HSDL2: variants seen among roughly 807,000 people sequenced by gnomAD.
The protein encoded by HSDL2 is hydroxysteroid dehydrogenase-like protein 2.
Under a neutral mutation model 46.3 loss-of-function variants are expected in HSDL2, and 27 were observed. That is an observed-to-expected ratio of 0.58 (90% CI 0.43 to 0.80). The LOEUF (loss-of-function observed/expected upper bound fraction) is 0.80. HSDL2 is among the 30% of genes least tolerant of loss of function. The pLI is 0.00. For synonymous variants in HSDL2, 153 were observed against 163.6 expected, an observed-to-expected ratio of 0.94 and a Z score of 0.50; for missense variants, 451 against 502.7, an observed-to-expected ratio of 0.90 and a Z score of 0.98.
intron 3 of HSDL2, among the ~76,000 whole-genome samples, chr9:112,408,176 G>C (rs1009596012): frequency 1.3e-5 from 2 of 152,184 alleles, no homozygotes; most frequent in Non-Finnish European, 2.9e-5. Context: ...GGGGAAGGGA[G>C]ACTACTATGC....
intron 4 of HSDL2, among the ~76,000 whole-genome samples, chr9:112,412,485 T>C (rs1400679494): frequency 6.6e-6 from 1 of 152,236 alleles, no homozygotes; most frequent in African/African-American, 2.4e-5. Flanking sequence ...TGTTTGTTCA[T>C]TGTATCATTC....
chr9:112,402,561 A>T (rs1831628086), intron 1 of HSDL2, among the ~76,000 whole-genome samples: 1 of 151,292 alleles, frequency 6.6e-6, no homozygotes, highest in African/African-American at 2.4e-5. Flanking sequence ...AAAAAAAAAA[A>T]AAAGCACGTA....
At chr9:112,468,169 A>C (rs1833448157) in intron 10 of HSDL2, among the ~76,000 whole-genome samples, 1 of 152,018 alleles carries the variant, frequency 6.6e-6, no homozygotes, top group South Asian at 2.1e-4. Flanking sequence ...AATCTTTTCT[A>C]TCTACCCCTG....
chr9:112,403,866 A>T, intron 1 of HSDL2, 129 bp from the exon 2 acceptor site: 1 of 847,490 alleles, frequency 1.2e-6, no homozygotes, highest in Non-Finnish European at 1.9e-6. Context: ...TCAGATGGGC[A>T]TGGGGAGGGT....
chr9:112,459,196 A>G (rs769376209), intron 9 of HSDL2, among the ~76,000 whole-genome samples: 2 of 152,116 alleles, frequency 1.3e-5, no homozygotes, highest in African/African-American at 4.8e-5. Context: ...TGATTCCTTA[A>G]TGTGCTCCCA....
intron 9 of HSDL2, among the ~76,000 whole-genome samples, chr9:112,455,771 T>G (rs1833003720): frequency 6.6e-6 from 1 of 152,178 alleles, no homozygotes; most frequent in African/African-American, 2.4e-5. Context: ...AGCAGATAAT[T>G]CCACTTGCTC....
At chr9:112,433,134 A>G in intron 6 of HSDL2, among the ~76,000 whole-genome samples, 1 of 152,152 alleles carries the variant, frequency 6.6e-6, no homozygotes, top group East Asian at 1.9e-4. Context: ...TAGATTTTCA[A>G]AAGTAGGTAA....
chr9:112,418,729 A>G (rs1564115935), intron 5 of HSDL2, 131 bp from the exon 6 acceptor site: 2 of 436,778 alleles, frequency 4.6e-6, no homozygotes, highest in South Asian at 5.0e-5. Context: ...ATACACATAC[A>G]TATGTATATA....
chr9:112,448,908 G>A (rs1832812370), intron 8 of HSDL2, among the ~76,000 whole-genome samples: 1 of 151,692 alleles, frequency 6.6e-6, no homozygotes, highest in Admixed American at 6.6e-5. Context: ...AGTCATTTGG[G>A]TCTTTTCTGA....
In HSDL2 at chr9:112,380,188, G is replaced by T; in HGVS notation, c.17+8G>T. 1 of 1,567,848 alleles carries T rather than the reference G, an allele frequency of 6.4e-7. No homozygotes were observed. On this transcript the variant is annotated splice_region_variant and intron_variant, in intron 1 of 10. Transcript: ENST00000398805. ...CATGTTACCCAACACCGGGTAAGGGGGTAGGGGCGGCGCGGGGAGAGACCC... is the reference window on the plus strand; with the variant it reads ...CATGTTACCCAACACCGGGTAAGGGTGTAGGGGCGGCGCGGGGAGAGACCC...
chr9:112,390,286 T>C (rs1311559834), intron 1 of HSDL2, among the ~76,000 whole-genome samples: 1 of 151,948 alleles, frequency 6.6e-6, no homozygotes, highest in African/African-American at 2.4e-5. Flanking sequence ...GCAGATAATA[T>C]ATATATTTAT....
intron 1 of HSDL2, among the ~76,000 whole-genome samples, chr9:112,390,062 C>T (rs1831304940): frequency 3.6e-5 from 2 of 55,678 alleles, no homozygotes; most frequent in Non-Finnish European, 6.5e-5. Flanking sequence ...GAGACTCTGT[C>T]TCAAAATAAA....
intron 8 of HSDL2, among the ~76,000 whole-genome samples, chr9:112,447,776 C>G (rs1832785374): frequency 6.7e-6 from 1 of 150,286 alleles, no homozygotes; most frequent in Non-Finnish European, 1.5e-5. Context: ...GCTCTGGAGT[C>G]AGACTGCCTG....
intron 10 of HSDL2, among the ~76,000 whole-genome samples, chr9:112,468,382 T>C (rs1057188186): frequency 2.6e-5 from 4 of 152,350 alleles, no homozygotes; most frequent in South Asian, 2.1e-4. Flanking sequence ...CTATTACACA[T>C]ATATTTGTAT....
chr9:112,458,413 C>A (rs912259145), intron 9 of HSDL2, among the ~76,000 whole-genome samples: 4 of 151,330 alleles, frequency 2.6e-5, no homozygotes, highest in Non-Finnish European at 4.4e-5. Context: ...GCAACCTCTG[C>A]CCCCAAGGTT....
chr9:112,453,501 T>C (rs1431104956), intron 8 of HSDL2, among the ~76,000 whole-genome samples: 1 of 152,130 alleles, frequency 6.6e-6, no homozygotes, highest in African/African-American at 2.4e-5. Flanking sequence ...CAAGTGATCC[T>C]CTCACCTCAG....
chr9:112,390,190 C>A (rs1395762210), intron 1 of HSDL2, among the ~76,000 whole-genome samples: 1 of 151,804 alleles, frequency 6.6e-6, no homozygotes, highest in African/African-American at 2.4e-5. Context: ...AATCATTTGC[C>A]TTATCAGTTA....
chr9:112,435,360 T>C (rs967029604), intron 6 of HSDL2, among the ~76,000 whole-genome samples: 1 of 152,136 alleles, frequency 6.6e-6, no homozygotes. Context: ...TGTATGCATA[T>C]AGTCTCAAAA....
intron 4 of HSDL2, among the ~76,000 whole-genome samples, chr9:112,411,586 A>C (rs1235271214): frequency 6.6e-6 from 1 of 152,176 alleles, no homozygotes; most frequent in Non-Finnish European, 1.5e-5. Flanking sequence ...GAGGCAGGAG[A>C]ATCGCTTGAA....
Sources: allele counts gnomAD v4.1 joint callset (sites outside exome capture counted in the v4.1 genomes callset), GRCh38; gene constraint gnomAD v4.1.1; transcripts MANE v1.5; gene names NCBI Gene and HGNC (gene_info 2026-07-23, HGNC 2026-07-21).